The following AGBL4 variants were observed in gnomAD, a reference collection of about 807,000 sequenced individuals.
The protein encoded by AGBL4 is AGBL carboxypeptidase 4, also known as cytosolic carboxypeptidase 6.
A neutral mutation model predicts 66.4 loss-of-function variants in AGBL4; 58 were observed. The ratio of observed to expected loss-of-function variants is 0.87; its 90% CI spans 0.71 to 1.09. The LOEUF is 1.09. Among genes scored for constraint, AGBL4 ranks in the 50% least tolerant of loss-of-function variants. AGBL4 has a pLI of 0.00. For synonymous variants in AGBL4, 234 were observed against 222.9 expected, an observed-to-expected ratio of 1.05 and a Z score of -0.44; for missense variants, 579 against 631.0, an observed-to-expected ratio of 0.92 and a Z score of 0.88.
intron 3 of AGBL4, among the ~76,000 whole-genome samples, chr1:49,541,405 C>T (rs1445060242): frequency 6.6e-6 from 1 of 152,300 alleles, no homozygotes; most frequent in South Asian, 2.1e-4. Flanking sequence ...TGGGCATGGG[C>T]TCAGCAGACC....
intron 6 of AGBL4, among the ~76,000 whole-genome samples, chr1:48,847,075 TGGATCACCTGAGGTTG>T (rs1331485413): frequency 6.7e-6 from 1 of 148,578 alleles, no homozygotes; most frequent in Admixed American, 6.7e-5. Flanking sequence ...CCGAGGGGGG[TGGATCACCTGAGGTTG>T]GGAGTTCGAG....
At chr1:49,878,696 T>C (rs1448165753) in intron 1 of AGBL4, among the ~76,000 whole-genome samples, 5 of 151,728 alleles carry the variant, frequency 3.3e-5, no homozygotes, top group Non-Finnish European at 7.4e-5. Flanking sequence ...CAGAGCTGAG[T>C]TCAATTCCTG....
chr1:48,865,471 T>C (rs1341040824), intron 6 of AGBL4, among the ~76,000 whole-genome samples: 1 of 152,092 alleles, frequency 6.6e-6, no homozygotes, highest in East Asian at 1.9e-4. Flanking sequence ...ACACACCTTT[T>C]GGGATGCCCT....
At chr1:48,816,082 T>TA (rs1345422603) in intron 6 of AGBL4, among the ~76,000 whole-genome samples, 149 of 148,486 alleles carry the variant, frequency 1.0e-3, no homozygotes, top group East Asian at 3.0e-3. Flanking sequence ...TGTGTGTGTG[T>TA]GTGTGTGTGT....
intron 5 of AGBL4, among the ~76,000 whole-genome samples, chr1:49,036,814 T>C (rs1664703374): frequency 6.6e-6 from 1 of 151,816 alleles, no homozygotes; most frequent in Admixed American, 6.6e-5. Context: ...CTCTCAGTTT[T>C]TCAGCCTTGT....
At chr1:48,966,667 G>A (rs182364227) in intron 5 of AGBL4, among the ~76,000 whole-genome samples, 123 of 152,052 alleles carry the variant, frequency 8.1e-4, no homozygotes, top group African/African-American at 2.8e-3. Flanking sequence ...GCAGAAAAAT[G>A]TTTTCAATTT....
chr1:49,538,764 T>C (rs964778139), intron 3 of AGBL4, among the ~76,000 whole-genome samples: 1 of 152,286 alleles, frequency 6.6e-6, no homozygotes, highest in East Asian at 1.9e-4. Flanking sequence ...TTTCATCTAA[T>C]TGGTAAAGAT....
At chr1:48,592,333 G>A (rs887007067) in intron 9 of AGBL4, among the ~76,000 whole-genome samples, 9 of 152,192 alleles carry the variant, frequency 5.9e-5, no homozygotes, top group Non-Finnish European at 1.2e-4. Context: ...CCCTCCTTGG[G>A]ATGCTTTTAA....
intron 11 of AGBL4, among the ~76,000 whole-genome samples, chr1:48,544,925 G>A (rs1644134795): frequency 6.6e-6 from 1 of 152,134 alleles, no homozygotes; most frequent in South Asian, 2.1e-4. Context: ...AAGCCACTAA[G>A]TTTTGGGGAG....
chr1:49,603,927 TATACAC>T (rs1645014177), intron 3 of AGBL4, among the ~76,000 whole-genome samples: 1 of 107,642 alleles, frequency 9.3e-6, no homozygotes, highest in Admixed American at 1.1e-4. Flanking sequence ...TATTCCATGG[TATACAC>T]ACACACACAC....
At chr1:49,204,590 G>C (rs561173733) in intron 4 of AGBL4, among the ~76,000 whole-genome samples, 8 of 152,118 alleles carry the variant, frequency 5.3e-5, no homozygotes, top group African/African-American at 7.2e-5. Flanking sequence ...CCAAGATAAG[G>C]GAAATGATAA....
chr1:48,647,728 T>C, intron 8 of AGBL4: 1 of 354,270 alleles, frequency 2.8e-6, no homozygotes, highest in Non-Finnish European at 5.6e-6. Flanking sequence ...GGGGTATAGG[T>C]GGGCGTGGGG....
chr1:48,953,707 G>C (rs951113617), intron 5 of AGBL4, among the ~76,000 whole-genome samples: 12 of 152,226 alleles, frequency 7.9e-5, no homozygotes, highest in African/African-American at 1.9e-4. Flanking sequence ...GCTCTGAGGA[G>C]GTATTAATAA....
At chr1:49,741,303 G>T (rs922644571) in intron 2 of AGBL4, among the ~76,000 whole-genome samples, 1 of 152,134 alleles carries the variant, frequency 6.6e-6, no homozygotes, top group East Asian at 1.9e-4. Flanking sequence ...AAATCTAGAA[G>T]AAATGGATAA....
At chr1:49,410,448 A>C (rs1645293254) in intron 3 of AGBL4, among the ~76,000 whole-genome samples, 1 of 152,176 alleles carries the variant, frequency 6.6e-6, no homozygotes, top group Non-Finnish European at 1.5e-5. Context: ...TGAGGTCAGC[A>C]GGGGTTGTGG....
At chr1:49,221,545 C>T (rs1557741218) in intron 4 of AGBL4, among the ~76,000 whole-genome samples, 1 of 152,168 alleles carries the variant, frequency 6.6e-6, no homozygotes, top group Non-Finnish European at 1.5e-5. Flanking sequence ...TATCAATAGC[C>T]ATGAACTTCT....
In AGBL4 at chr1:49,881,124, G is replaced by A. The variant is rs539823724; in HGVS notation, c.35-29606C>T. ...AATGCAGAAATCACCCGTCTTCTGCGTCGCTCACGCTGGGAGCTGTAGACC... is the reference window on the plus strand; with the variant it reads ...AATGCAGAAATCACCCGTCTTCTGCATCGCTCACGCTGGGAGCTGTAGACC... On this transcript the variant is annotated intron_variant, in intron 1 of 13. Coordinates refer to ENST00000371839, the MANE Select transcript of AGBL4 (RefSeq NM_032785.4). Among the ~76,000 whole-genome samples, 19 of 152,226 alleles carry A rather than the reference G, an allele frequency of 1.2e-4. 1 individual carries two copies. In the South Asian group the frequency reaches 2.1e-3, roughly 17 times the overall value.
chr1:49,507,365 C>T (rs372041237), intron 3 of AGBL4, among the ~76,000 whole-genome samples: 6 of 152,052 alleles, frequency 3.9e-5, no homozygotes, highest in Admixed American at 3.9e-4. Context: ...CCAGCTGAAC[C>T]TAGTCAATCT....
chr1:49,539,225 A>G (rs1258407149), intron 3 of AGBL4, among the ~76,000 whole-genome samples: 1 of 152,188 alleles, frequency 6.6e-6, no homozygotes, highest in Admixed American at 6.5e-5. Flanking sequence ...TAATTCTGGA[A>G]TGATATTTAT....
Sources: allele counts gnomAD v4.1 joint callset (sites outside exome capture counted in the v4.1 genomes callset), GRCh38; gene constraint gnomAD v4.1.1; transcripts MANE v1.5; gene names NCBI Gene and HGNC (gene_info 2026-07-23, HGNC 2026-07-21).